ZNRF1: variants seen among roughly 807,000 people sequenced by gnomAD.
The protein encoded by ZNRF1 is E3 ubiquitin-protein ligase ZNRF1.
ZNRF1 carries 3 observed loss-of-function variants against 18.4 expected under a neutral mutation model. That is an observed-to-expected ratio of 0.16 (90% CI 0.07 to 0.42). The LOEUF is 0.42. Among genes scored for constraint, ZNRF1 ranks in the 10% least tolerant of loss-of-function variants. The pLI, the probability that ZNRF1 is intolerant of heterozygous loss-of-function variation, is 0.99. For missense variants in ZNRF1, 310 were observed against 329.8 expected, an observed-to-expected ratio of 0.94 and a Z score of 0.47; for synonymous variants, 157 against 144.2, an observed-to-expected ratio of 1.09 and a Z score of -0.64.
chr16:75,011,696 G>T (rs962674336), intron 1 of ZNRF1, among the ~76,000 whole-genome samples: 1 of 152,214 alleles, frequency 6.6e-6, no homozygotes, highest in Non-Finnish European at 1.5e-5. Flanking sequence ...CTTAAGACCT[G>T]TGATAAGGGC....
At chr16:75,032,550 A>T (rs1241185040) in intron 1 of ZNRF1, among the ~76,000 whole-genome samples, 1 of 152,024 alleles carries the variant, frequency 6.6e-6, no homozygotes, top group Non-Finnish European at 1.5e-5. Flanking sequence ...ACAAACAAAC[A>T]ACAACACAAA....
chr16:75,089,124 A>G (rs2036107055), intron 1 of ZNRF1, among the ~76,000 whole-genome samples: 1 of 152,016 alleles, frequency 6.6e-6, no homozygotes, highest in Admixed American at 6.6e-5. Flanking sequence ...TTTTGTTTAG[A>G]CAGGGTCTCA....
At chr16:75,053,982 A>T (rs2035639118) in intron 1 of ZNRF1, among the ~76,000 whole-genome samples, 1 of 152,186 alleles carries the variant, frequency 6.6e-6, no homozygotes, top group South Asian at 2.1e-4. Flanking sequence ...TCAAAACTTT[A>T]CTTTTCGTAT....
Position 75,110,046 on chromosome 16 carries a change from G to T in ZNRF1, c.*2346G>T, listed in dbSNP as rs1045908189. The T allele has an allele frequency of 6.6e-6, 1 of 152,446 alleles. No homozygotes were observed. Among genetic ancestry groups the T allele is most frequent in the Non-Finnish European group, 1.5e-5 (1 of 68,188 alleles). 9.4% of individuals were successfully genotyped at this position (152,446 alleles called of 1,614,324 possible). ...GCCTGCTGCTTTGGCAGTGCCATGG[G>T]TGAGCCGAGCAGCTGTGAGGTGGGT... On this transcript the variant is annotated 3_prime_UTR_variant, in exon 5 of 5. Transcript: ENST00000335325.
intron 1 of ZNRF1, among the ~76,000 whole-genome samples, chr16:75,029,926 TG>T (rs1204167640): frequency 4.6e-5 from 7 of 151,616 alleles, no homozygotes; most frequent in Non-Finnish European, 1.0e-4. Context: ...GGTGTTGTGT[TG>T]TGGTGAATGC....
intron 1 of ZNRF1, among the ~76,000 whole-genome samples, chr16:75,047,791 A>G (rs1019609057): frequency 6.6e-6 from 1 of 152,128 alleles, no homozygotes; most frequent in Non-Finnish European, 1.5e-5. Flanking sequence ...CTTAAACAAC[A>G]GAAATGTATT....
chr16:75,072,701 A>G, intron 1 of ZNRF1, among the ~76,000 whole-genome samples: 1 of 152,356 alleles, frequency 6.6e-6, no homozygotes, highest in South Asian at 2.1e-4. Context: ...GCAAGTGTCA[A>G]GTGTTAGAGC....
At chr16:75,010,617 GGTA>G (rs1318478517) in intron 1 of ZNRF1, among the ~76,000 whole-genome samples, 1 of 151,722 alleles carries the variant, frequency 6.6e-6, no homozygotes, top group Non-Finnish European at 1.5e-5. Flanking sequence ...CTTTCTTGTT[GGTA>G]GTAGCTTGAG....
At chr16:75,097,264 G>A (rs1168458489) in intron 2 of ZNRF1, among the ~76,000 whole-genome samples, 1 of 152,116 alleles carries the variant, frequency 6.6e-6, no homozygotes, top group East Asian at 1.9e-4. Context: ...GTGATGCTCT[G>A]AACGGAAGAG....
chr16:75,037,556 C>G (rs911049485), intron 1 of ZNRF1, among the ~76,000 whole-genome samples: 1 of 152,080 alleles, frequency 6.6e-6, no homozygotes, highest in African/African-American at 2.4e-5. Context: ...CCACGCTGGT[C>G]TGGAACTCCT....
intron 1 of ZNRF1, among the ~76,000 whole-genome samples, chr16:75,015,038 T>A (rs1173436067): frequency 6.6e-6 from 1 of 152,208 alleles, no homozygotes; most frequent in Admixed American, 6.5e-5. Flanking sequence ...TTGTTTTGTC[T>A]GTGGATAATA....
chr16:75,083,077 G>T (rs375901072), intron 1 of ZNRF1, among the ~76,000 whole-genome samples: 2 of 152,134 alleles, frequency 1.3e-5, no homozygotes, highest in African/African-American at 4.8e-5. Flanking sequence ...CTTTCTTGAG[G>T]TTTATAATGA....
In ZNRF1 at chr16:74,999,530, T is replaced by G; in HGVS notation, c.-142T>G. 1.7e-6 allele frequency: 1 copy of G among 600,614 alleles called. No homozygotes were observed. Among genetic ancestry groups the G allele is most frequent in the Non-Finnish European group, 2.5e-6 (1 of 407,626 alleles). The allele number at this position is 600,614 out of a possible 1,614,324, so 37.2% of individuals were successfully genotyped here. ...CCCCGCGGGTTTTTTCCTTTTTTCC[T>G]TTTGCTTTTTTTCCTTTTCTCCCTC... On this transcript the variant is annotated 5_prime_UTR_variant, in exon 1 of 5. Transcript: ENST00000335325.
intron 1 of ZNRF1, among the ~76,000 whole-genome samples, chr16:75,007,795 C>G (rs1261776339): frequency 6.6e-6 from 1 of 152,206 alleles, no homozygotes; most frequent in African/African-American, 2.4e-5. Context: ...TAGTTTTTCT[C>G]TCCCCAAACA....
At chr16:75,035,326 A>G (rs1030889194) in intron 1 of ZNRF1, among the ~76,000 whole-genome samples, 1 of 152,206 alleles carries the variant, frequency 6.6e-6, no homozygotes, top group East Asian at 1.9e-4. Context: ...GAGCCGCTGC[A>G]CTGGGCCTTA....
At chr16:75,030,217 C>T (rs951013689) in intron 1 of ZNRF1, among the ~76,000 whole-genome samples, 1 of 152,072 alleles carries the variant, frequency 6.6e-6, no homozygotes, top group African/African-American at 2.4e-5. Flanking sequence ...GAAATAAACA[C>T]ATGCATCTAT....
chr16:75,081,676 G>GGA (rs1223975739), intron 1 of ZNRF1, among the ~76,000 whole-genome samples: 1 of 152,176 alleles, frequency 6.6e-6, no homozygotes, highest in African/African-American at 2.4e-5. Context: ...GTATGTGCAA[G>GGA]GAGAGCGTGA....
chr16:75,078,223 G>T (rs1268395943), intron 1 of ZNRF1, among the ~76,000 whole-genome samples: 2 of 151,334 alleles, frequency 1.3e-5, no homozygotes, highest in Non-Finnish European at 1.5e-5. Flanking sequence ...GTAGCTCTGA[G>T]CCCAGATCTC....
At chr16:75,052,724 C>A (rs1362014729) in intron 1 of ZNRF1, among the ~76,000 whole-genome samples, 2 of 152,182 alleles carry the variant, frequency 1.3e-5, no homozygotes, top group African/African-American at 4.8e-5. Context: ...CCCATATAAC[C>A]ACCACCTCAA....
Sources: gnomAD v4.1 joint callset for allele counts (sites outside exome capture counted in the v4.1 genomes callset) on GRCh38, gnomAD v4.1.1 for gene constraint, MANE v1.5 for transcripts, NCBI Gene and HGNC (gene_info 2026-07-23, HGNC 2026-07-21) for gene names.